SYN3: variants seen among roughly 807,000 people sequenced by gnomAD.
The protein encoded by SYN3 is synapsin-3.
A neutral mutation model predicts 65.8 loss-of-function variants in SYN3; 35 were observed. That is an observed-to-expected ratio of 0.53 (90% CI 0.41 to 0.70). The LOEUF (loss-of-function observed/expected upper bound fraction) is 0.70, where lower values mean the gene tolerates loss of function less well. SYN3 is among the 30% of genes least tolerant of loss of function. The probability of loss-of-function intolerance (pLI) is 0.00; values close to 1 mark genes in which losing one functional copy is unlikely to be tolerated. For synonymous variants in SYN3, 270 were observed against 292.9 expected (o/e 0.92, Z 0.80); for missense variants, 680 against 749.0 (o/e 0.91, Z 1.08).
intron 6 of SYN3, among the ~76,000 whole-genome samples, chr22:32,643,018 A>G (rs1422730663): frequency 6.6e-6 from 1 of 152,206 alleles, no homozygotes; most frequent in East Asian, 1.9e-4. Context: ...TTACACTTAA[A>G]AAGATGAGCT....
intron 2 of SYN3, among the ~76,000 whole-genome samples, chr22:33,004,225 C>T (rs1433176469): frequency 1.3e-5 from 2 of 152,204 alleles, no homozygotes; most frequent in African/African-American, 2.4e-5. Context: ...TGTGGCACTG[C>T]CTAGTGGAGC....
intron 2 of SYN3, among the ~76,000 whole-genome samples, chr22:32,996,824 C>T (rs898168267): frequency 1.3e-5 from 2 of 152,210 alleles, no homozygotes; most frequent in African/African-American, 4.8e-5. Flanking sequence ...CCTTTAAGCT[C>T]TGGCTGCCCG....
intron 5 of SYN3, among the ~76,000 whole-genome samples, chr22:32,868,002 G>A (rs1419881610): frequency 6.6e-6 from 1 of 152,224 alleles, no homozygotes; most frequent in East Asian, 1.9e-4. Flanking sequence ...GTGTTGGAGA[G>A]AGAGATGGCT....
At chr22:32,677,089 C>T (rs947817647) in intron 6 of SYN3, among the ~76,000 whole-genome samples, 1 of 152,194 alleles carries the variant, frequency 6.6e-6, no homozygotes, top group African/African-American at 2.4e-5. Context: ...CATGTTGTGG[C>T]AGACGCAATG....
At chr22:32,556,082 A>G (rs1322278364) in intron 7 of SYN3, among the ~76,000 whole-genome samples, 3 of 152,242 alleles carry the variant, frequency 2.0e-5, no homozygotes, top group Non-Finnish European at 4.4e-5. Context: ...TTCTTGGTTT[A>G]TGGTGCCCAT....
chr22:32,882,123 G>T (rs1194658360), intron 4 of SYN3, among the ~76,000 whole-genome samples: 1 of 151,480 alleles, frequency 6.6e-6, no homozygotes, highest in Non-Finnish European at 1.5e-5. Flanking sequence ...ACGTCTGTCT[G>T]TGACGGGACC....
At chr22:32,928,707 G>T (rs1445260599) in intron 4 of SYN3, among the ~76,000 whole-genome samples, 1 of 151,906 alleles carries the variant, frequency 6.6e-6, no homozygotes, top group East Asian at 1.9e-4. Context: ...CGGTGGTTTG[G>T]TATCTTTCCA....
At chr22:32,550,771 AG>A (rs1446763480) in intron 7 of SYN3, among the ~76,000 whole-genome samples, 2 of 152,146 alleles carry the variant, frequency 1.3e-5, no homozygotes, top group Non-Finnish European at 2.9e-5. Flanking sequence ...TGTTATTGAA[AG>A]GCTTCCATGG....
chr22:32,965,368 T>C (rs2051798005), intron 3 of SYN3, among the ~76,000 whole-genome samples: 1 of 152,176 alleles, frequency 6.6e-6, no homozygotes, highest in South Asian at 2.1e-4. Context: ...TCTTTCATCT[T>C]TCCCCACTCT....
At chr22:32,665,775 C>T (rs1409576968) in intron 6 of SYN3, among the ~76,000 whole-genome samples, 3 of 152,094 alleles carry the variant, frequency 2.0e-5, no homozygotes, top group African/African-American at 7.2e-5. Flanking sequence ...GACCTTTTCT[C>T]TTTTTCTGTC....
intron 6 of SYN3, among the ~76,000 whole-genome samples, chr22:32,732,759 C>A (rs1291450338): frequency 6.6e-6 from 1 of 152,216 alleles, no homozygotes; most frequent in East Asian, 1.9e-4. Flanking sequence ...GAACCATGTT[C>A]ATTTACTTCA....
intron 6 of SYN3, among the ~76,000 whole-genome samples, chr22:32,621,379 A>G (rs34516260): frequency 1.3e-5 from 2 of 151,682 alleles, no homozygotes; most frequent in African/African-American, 4.8e-5. Flanking sequence ...TCAGGAATGA[A>G]CCAGGAACGT....
chr22:32,593,303 C>T (rs1428686364), intron 7 of SYN3, among the ~76,000 whole-genome samples: 3 of 149,746 alleles, frequency 2.0e-5, no homozygotes, highest in African/African-American at 7.5e-5. Context: ...TTTTGGGAGG[C>T]CCTTCTGGAC....
At chr22:32,863,059 CTTG>C (rs1427582033) in intron 6 of SYN3, 2 of 152,580 alleles carry the variant, frequency 1.3e-5, no homozygotes, top group Non-Finnish European at 2.9e-5. Flanking sequence ...TGTCTCTTGC[CTTG>C]TTGTGTTCTG....
At chr22:32,525,689 C>A in intron 12 of SYN3, among the ~76,000 whole-genome samples, 2 of 137,748 alleles carry the variant, frequency 1.5e-5, no homozygotes, top group African/African-American at 2.8e-5. Context: ...CCAGCCTGGG[C>A]GACAAGGAGA....
chr22:32,522,570 G>A (rs1255835286), intron 12 of SYN3, among the ~76,000 whole-genome samples: 1 of 152,110 alleles, frequency 6.6e-6, no homozygotes, highest in East Asian at 1.9e-4. Context: ...GCTGGGTAAC[G>A]GGGCACTGCA....
intron 1 of SYN3, among the ~76,000 whole-genome samples, chr22:33,049,315 C>T (rs931585790): frequency 4.6e-5 from 7 of 152,178 alleles, no homozygotes; most frequent in Non-Finnish European, 1.0e-4. Flanking sequence ...GGTGGGCTCC[C>T]CCTGCTGGAC....
At chr22:32,790,774 G>A (rs78694278) in intron 6 of SYN3, among the ~76,000 whole-genome samples, 13,511 of 152,008 alleles carry the variant, frequency 0.089, 724 homozygotes, top group Admixed American at 0.16. Context: ...GCAAATTCCC[G>A]AATGTATAAC....
chr22:32,973,423 C>CCA (rs941588578), intron 3 of SYN3, among the ~76,000 whole-genome samples: 2 of 151,846 alleles, frequency 1.3e-5, no homozygotes, highest in African/African-American at 4.8e-5. Flanking sequence ...TTACCCCCGC[C>CCA]AAAAAAGAAA....
Sources: gnomAD v4.1 joint callset for allele counts (sites outside exome capture counted in the v4.1 genomes callset) on GRCh38, gnomAD v4.1.1 for gene constraint, MANE v1.5 for transcripts, NCBI Gene and HGNC (gene_info 2026-07-23, HGNC 2026-07-21) for gene names.